The following ERBB4 variants were observed in gnomAD, a reference collection of about 807,000 sequenced individuals.
ERBB4 encodes the protein receptor tyrosine-protein kinase erbB-4.
In ERBB4, 42 loss-of-function variants were observed where a neutral mutation model predicts 158.0. The ratio of observed to expected loss-of-function variants is 0.27; its 90% confidence interval spans 0.21 to 0.34. The LOEUF (loss-of-function observed/expected upper bound fraction) is 0.34, where lower values mean the gene tolerates loss of function less well. Ranked by LOEUF, ERBB4 falls within the 10% of genes least tolerant of loss-of-function variation. The pLI, the probability that ERBB4 is intolerant of heterozygous loss-of-function variation, is 1.00. For synonymous variants in ERBB4, 583 were observed against 558.7 expected, an observed-to-expected ratio of 1.04 and a Z score of -0.61; for missense variants, 1,333 against 1,624.1, an observed-to-expected ratio of 0.82 and a Z score of 3.08.
chr2:212,165,812 A>G (rs1402321519), intron 1 of ERBB4, among the ~76,000 whole-genome samples: 4 of 152,088 alleles, frequency 2.6e-5, no homozygotes, highest in African/African-American at 4.8e-5. Context: ...AAACTTCTGT[A>G]GTTGGATTCT....
chr2:211,548,112 C>T (rs1160918804), intron 20 of ERBB4, among the ~76,000 whole-genome samples: 1 of 152,102 alleles, frequency 6.6e-6, no homozygotes. Flanking sequence ...TCATTTTCAT[C>T]TGGTAGTATA....
rs965780332 is a variant in ERBB4, at chr2:212,237,781, A to G, written c.83-112878T>C. ...TCTTTCAGAGATGTCCTGCCCAGAG[A>G]GGAGGAATCTAGAGAGGCAGCCTGG... On this transcript the variant is annotated intron_variant, in intron 1 of 27. Transcript: ENST00000342788. 2.6e-5 allele frequency among the ~76,000 whole-genome samples: 4 copies of G among 152,164 alleles called. No homozygotes were observed. The South Asian group carries it at 8.3e-4, about 31-fold the overall frequency.
chr2:211,811,338 G>A (rs911759970), intron 3 of ERBB4, among the ~76,000 whole-genome samples: 3 of 151,912 alleles, frequency 2.0e-5, no homozygotes, highest in South Asian at 2.1e-4. Flanking sequence ...GTTAAATATC[G>A]GCCCCCACTC....
chr2:212,387,464 T>C (rs76287081), intron 1 of ERBB4, among the ~76,000 whole-genome samples: 2 of 120,852 alleles, frequency 1.7e-5, no homozygotes, highest in Admixed American at 1.6e-4. Context: ...TTTTTTTTTT[T>C]TCTTTTTTTG....
chr2:211,483,198 G>T (rs1250461021), intron 20 of ERBB4, among the ~76,000 whole-genome samples: 1 of 151,798 alleles, frequency 6.6e-6, no homozygotes, highest in Non-Finnish European at 1.5e-5. Context: ...CAGAAAATAC[G>T]TGTCAATTGA....
rs188721941 is a variant in ERBB4, at chr2:212,337,868, G to A, written c.82+200581C>T. Among the ~76,000 whole-genome samples the A allele has an allele frequency of 2.9e-3, 288 of 100,586 alleles. 4 individuals are homozygous for A. The highest frequency in any genetic ancestry group is 5.9e-3 in the Admixed American group (55 of 9,392). The allele number at this position is 100,586 out of a possible 152,430, so 66.0% of individuals were successfully genotyped here. On this transcript the variant is annotated intron_variant, in intron 1 of 27. Coordinates refer to ENST00000342788, the MANE Select transcript of ERBB4 (RefSeq NM_005235.3). Reference sequence around the variant, plus strand: ...GCTCCCTTTGTTTGGGTCTTGTCTTGATAATCTGCCTGGTTTTTGCCATTG... The same window carrying A: ...GCTCCCTTTGTTTGGGTCTTGTCTTAATAATCTGCCTGGTTTTTGCCATTG...
At chr2:212,419,256 T>C (rs1254676260) in intron 1 of ERBB4, among the ~76,000 whole-genome samples, 1 of 151,920 alleles carries the variant, frequency 6.6e-6, no homozygotes, top group Non-Finnish European at 1.5e-5. Flanking sequence ...AATCTACGAA[T>C]GACACTACAT....
At chr2:211,647,396 T>G (rs1226568158) in intron 16 of ERBB4, among the ~76,000 whole-genome samples, 1 of 151,654 alleles carries the variant, frequency 6.6e-6, no homozygotes, top group Non-Finnish European at 1.5e-5. Flanking sequence ...TATCAACACT[T>G]GGAGAAACTT....
At chr2:211,933,588 CAT>C (rs1306392641) in intron 3 of ERBB4, among the ~76,000 whole-genome samples, 1 of 151,920 alleles carries the variant, frequency 6.6e-6, no homozygotes, top group Non-Finnish European at 1.5e-5. Context: ...TATAGATTGG[CAT>C]ATGTTTTCTT....
chr2:211,420,087 T>C (rs1481253512), intron 25 of ERBB4, among the ~76,000 whole-genome samples: 2 of 152,044 alleles, frequency 1.3e-5, no homozygotes. Flanking sequence ...GAAAGAAAAG[T>C]AGAAAGCCTA....
At position 212,530,144 on chromosome 2, in the gene ERBB4, G is replaced by GGAA. The variant is rs540128437; in HGVS notation, c.82+8302_82+8304dup. On this transcript the variant is annotated intron_variant, in intron 1 of 27. Transcript: ENST00000342788. ...GGAGATTTTAGAGGTTTGAGGACGT[G>GGAA]GAAGAAGAAGAATACCCATAAAGAG... 2.0e-5 allele frequency among the ~76,000 whole-genome samples: 3 copies of GGAA among 151,496 alleles called. No individual in the cohort carries two copies. The South Asian group carries it at 6.3e-4, about 32-fold the overall frequency.
intron 1 of ERBB4, among the ~76,000 whole-genome samples, chr2:212,152,550 C>T (rs1326125406): frequency 6.6e-6 from 1 of 152,090 alleles, no homozygotes; most frequent in East Asian, 1.9e-4. Context: ...AACTTAGTCC[C>T]ATTTCTCTTA....
At chr2:212,204,185 C>A (rs1213501527) in intron 1 of ERBB4, among the ~76,000 whole-genome samples, 1 of 152,038 alleles carries the variant, frequency 6.6e-6, no homozygotes, top group Non-Finnish European at 1.5e-5. Context: ...GCATTTTGCC[C>A]TCTACTTACT....
intron 1 of ERBB4, among the ~76,000 whole-genome samples, chr2:212,221,770 C>T (rs1335941911): frequency 6.6e-6 from 1 of 151,496 alleles, no homozygotes; most frequent in Non-Finnish European, 1.5e-5. Flanking sequence ...CATACTACTA[C>T]TATTCCTTGA....
chr2:212,472,587 A>T (rs1325350120), intron 1 of ERBB4, among the ~76,000 whole-genome samples: 5 of 151,882 alleles, frequency 3.3e-5, no homozygotes, highest in Admixed American at 6.6e-5. Context: ...GCAGAGAGGT[A>T]GAAAGTATAT....
intron 3 of ERBB4, among the ~76,000 whole-genome samples, chr2:211,820,363 C>A (rs967035530): frequency 6.6e-6 from 1 of 151,764 alleles, no homozygotes; most frequent in Non-Finnish European, 1.5e-5. Flanking sequence ...ATACATACAA[C>A]CTACCAAGAT....
intron 1 of ERBB4, among the ~76,000 whole-genome samples, chr2:212,474,990 C>T (rs912400994): frequency 2.6e-5 from 4 of 151,816 alleles, no homozygotes; most frequent in East Asian, 1.9e-4. Flanking sequence ...AAGGTCCTCC[C>T]GCTTAGGCTT....
chr2:211,930,711 T>G (rs1033135340), intron 3 of ERBB4, among the ~76,000 whole-genome samples: 1 of 152,168 alleles, frequency 6.6e-6, no homozygotes, highest in Non-Finnish European at 1.5e-5. Context: ...TTAATTATTT[T>G]TAAAACTCCC....
At chr2:211,935,256 A>T (rs1486303453) in intron 3 of ERBB4, among the ~76,000 whole-genome samples, 1 of 152,184 alleles carries the variant, frequency 6.6e-6, no homozygotes, top group African/African-American at 2.4e-5. Flanking sequence ...GACTGGATTA[A>T]GAAATACCCG....
Sources: allele counts gnomAD v4.1 joint callset (sites outside exome capture counted in the v4.1 genomes callset), GRCh38; gene constraint gnomAD v4.1.1; transcripts MANE v1.5; gene names NCBI Gene and HGNC (gene_info 2026-07-23, HGNC 2026-07-21).